The following PAK3 variants were observed in gnomAD, a reference collection of about 807,000 sequenced individuals.
The protein encoded by PAK3 is serine/threonine-protein kinase PAK 3.
In PAK3, 4 loss-of-function variants were observed where a neutral mutation model predicts 41.0. The observed-to-expected ratio is 0.10, with a 90% CI of 0.05 to 0.22. The LOEUF (loss-of-function observed/expected upper bound fraction) is 0.22. Ranked by LOEUF, PAK3 falls within the 10% of genes least tolerant of loss-of-function variation. The pLI is 1.00. For synonymous variants in PAK3, 146 were observed against 139.6 expected (o/e 1.05, Z -0.32); for missense variants, 205 against 409.9 (o/e 0.50, Z 4.32).
chrX:111,039,271 T>G (rs1209895419), intron 1 of PAK3, among the ~76,000 whole-genome samples: 3 of 112,422 alleles, frequency 2.7e-5, no homozygotes, highest in Non-Finnish European at 5.6e-5. Context: ...TAGCCAAATT[T>G]GATTGACAAG....
chrX:111,217,401 G>A (rs2149400638), intron 17 of PAK3: 1 of 496,893 alleles, frequency 2.0e-6, no homozygotes, highest in East Asian at 9.0e-5. Flanking sequence ...TAAGAACAAT[G>A]ACTGCTATTT....
intron 1 of PAK3, among the ~76,000 whole-genome samples, chrX:111,021,947 C>T (rs1196688458): frequency 9.0e-6 from 1 of 110,641 alleles, no homozygotes; most frequent in African/African-American, 3.3e-5. Flanking sequence ...GAAGACAAAG[C>T]TTTCAAATTA....
chrX:111,201,557 G>A (rs2094684069), intron 16 of PAK3, among the ~76,000 whole-genome samples: 1 of 111,616 alleles, frequency 9.0e-6, no homozygotes, highest in South Asian at 3.8e-4. Flanking sequence ...AAGGAAGGAA[G>A]TGAAATAAGT....
chrX:111,015,160 T>C (rs1014805934), intron 1 of PAK3, among the ~76,000 whole-genome samples: 8 of 110,789 alleles, frequency 7.2e-5, no homozygotes, highest in Admixed American at 4.8e-4. Context: ...TAGTAAGTAG[T>C]ATAACTCGCG....
Position 111,137,106 on chromosome X carries a change from C to G in PAK3, c.176-4990C>G, listed in dbSNP as rs184062667. Among the ~76,000 whole-genome samples the G allele has an allele frequency of 9.7e-4, 109 of 111,915 alleles. 1 individual carries two copies. The highest frequency in any genetic ancestry group is 1.8e-3 in the Non-Finnish European group (93 of 53,104). Reference sequence around the variant, plus strand: ...GAATGTAGGAAGGAAGACTGGGAGCCAAAGTACTCAATGGAGAACAACGCA... The same window carrying G: ...GAATGTAGGAAGGAAGACTGGGAGCGAAAGTACTCAATGGAGAACAACGCA... On this transcript the variant is annotated intron_variant, in intron 5 of 17. Transcript: ENST00000372007.
chrX:111,019,425 G>A (rs1386757028), intron 1 of PAK3, among the ~76,000 whole-genome samples: 6 of 108,575 alleles, frequency 5.5e-5, no homozygotes, highest in Non-Finnish European at 1.1e-4. Flanking sequence ...CAGGCAAAGT[G>A]GTTCTTGCCT....
chrX:111,091,592 T>G (rs1464852140), upstream of PAK3, among the ~76,000 whole-genome samples: 1 of 111,961 alleles, frequency 8.9e-6, no homozygotes. Flanking sequence ...CCTCTTTCCC[T>G]CACCTCTGAT....
chrX:111,173,171 A>G lies in PAK3; in HGVS notation c.830+90A>G, dbSNP rs2094366081. On this transcript the variant is annotated intron_variant, in intron 11 of 17. Coordinates refer to ENST00000372007, the MANE Select transcript of PAK3 (RefSeq NM_002578.5). Reference sequence around the variant, plus strand: ...CAGTAAGAGCTTGGGTTTCTGGTAAATTATGCTTCTCATTTCCTAGATTAT... The same window carrying G: ...CAGTAAGAGCTTGGGTTTCTGGTAAGTTATGCTTCTCATTTCCTAGATTAT... 2.9e-5 allele frequency: 15 copies of G among 521,028 alleles called. No homozygotes were observed. In the South Asian group the frequency reaches 3.8e-4, roughly 13 times the overall value. The allele number at this position is 521,028 out of a possible 1,213,427, so 42.9% of individuals were successfully genotyped here.
chrX:111,123,333 A>T lies in PAK3; in HGVS notation c.175+55A>T, dbSNP rs1307464726. ...TGGGCTAGTTTATTCTTTCATTTTC[A>T]CTTTCTTTCTTAGGTAGTTGTTTCT... On this transcript the variant is annotated intron_variant, in intron 5 of 17. Transcript: ENST00000372007. 6 of 1,034,156 alleles carry T rather than the reference A, an allele frequency of 5.8e-6. No individual in the cohort carries two copies. The Admixed American group carries it at 6.6e-5, about 11-fold the overall frequency. The allele number at this position is 1,034,156 out of a possible 1,213,427, so 85.2% of individuals were successfully genotyped here. A position where few individuals can be genotyped will look rare whatever the true frequency, so the allele number is the denominator to read the frequency against.
At chrX:111,172,476 G>C in intron 10 of PAK3, among the ~76,000 whole-genome samples, 1 of 111,318 alleles carries the variant, frequency 9.0e-6, no homozygotes, top group East Asian at 2.9e-4. Context: ...CTACCCAATA[G>C]GTAGTTCTTC....
chrX:111,147,982 TC>T, intron 7 of PAK3, 92 bp downstream of exon 7: 1 of 749,304 alleles, frequency 1.3e-6, no homozygotes, highest in South Asian at 2.3e-5. Flanking sequence ...ACATTTGAAA[TC>T]GATTCTAGTA....
chrX:111,018,447 A>T (rs2092123069), intron 1 of PAK3, among the ~76,000 whole-genome samples: 1 of 111,692 alleles, frequency 9.0e-6, no homozygotes, highest in Non-Finnish European at 1.9e-5. Flanking sequence ...TACACCGACA[A>T]CAAGCAATCT....
intron 1 of PAK3, among the ~76,000 whole-genome samples, chrX:111,081,785 T>C (rs2092836881): frequency 9.0e-6 from 1 of 111,235 alleles, no homozygotes; most frequent in Non-Finnish European, 1.9e-5. Flanking sequence ...TGACAGATGA[T>C]AGACATTTAG....
intron 1 of PAK3, among the ~76,000 whole-genome samples, chrX:111,015,663 T>G (rs1207805057): frequency 9.0e-6 from 1 of 111,701 alleles, no homozygotes; most frequent in East Asian, 2.8e-4. Flanking sequence ...TAAGGTGATA[T>G]CTCATTGTGG....
intron 1 of PAK3, among the ~76,000 whole-genome samples, chrX:111,061,034 C>G (rs1214190140): frequency 9.0e-6 from 1 of 111,103 alleles, no homozygotes; most frequent in Non-Finnish European, 1.9e-5. Flanking sequence ...TTATTCTTTG[C>G]CTATCTTGCT....
intron 17 of PAK3, among the ~76,000 whole-genome samples, chrX:111,219,575 A>C (rs2094911072): frequency 9.0e-6 from 1 of 111,313 alleles, no homozygotes. Flanking sequence ...ATTTAAGGTG[A>C]CAGAAGAAAA....
intron 1 of PAK3, among the ~76,000 whole-genome samples, chrX:110,986,398 A>G (rs2091544755): frequency 8.9e-6 from 1 of 112,056 alleles, no homozygotes; most frequent in South Asian, 3.8e-4. Flanking sequence ...CTGACTGTGC[A>G]TAAAGAGAAT....
intron 6 of PAK3, among the ~76,000 whole-genome samples, chrX:111,147,388 TA>T (rs1435324655): frequency 9.0e-6 from 1 of 111,137 alleles, no homozygotes; most frequent in African/African-American, 3.3e-5. Context: ...GAAGTCTTGC[TA>T]TGTCTGCCCT....
intron 1 of PAK3, among the ~76,000 whole-genome samples, chrX:111,073,067 C>G (rs2092758260): frequency 9.0e-6 from 1 of 111,427 alleles, no homozygotes; most frequent in African/African-American, 3.3e-5. Context: ...TACTCCCCCA[C>G]AGTCTAGCGG....
Sources: allele counts gnomAD v4.1 joint callset (sites outside exome capture counted in the v4.1 genomes callset), GRCh38; gene constraint gnomAD v4.1.1; transcripts MANE v1.5; gene names NCBI Gene and HGNC (gene_info 2026-07-23, HGNC 2026-07-21).